Variants in WDR70 observed in about 807,000 individuals in gnomAD.
WDR70 encodes WD repeat-containing protein 70.
In WDR70, 53 loss-of-function variants were observed where a neutral mutation model predicts 88.6. The observed-to-expected ratio is 0.60, with a 90% CI of 0.48 to 0.75. WDR70 has a LOEUF of 0.75. WDR70 is among the 30% of genes least tolerant of loss of function. The pLI, the probability that WDR70 is intolerant of heterozygous loss-of-function variation, is 0.00. For synonymous variants in WDR70, 280 were observed against 270.0 expected, an observed-to-expected ratio of 1.04 and a Z score of -0.36; for missense variants, 610 against 823.2, an observed-to-expected ratio of 0.74 and a Z score of 3.17.
At chr5:37,724,139 G>C (rs186874881) in intron 15 of WDR70, 3 of 152,154 alleles carry the variant, frequency 2.0e-5, no homozygotes, top group Non-Finnish European at 1.5e-5. Flanking sequence ...GAAACTGCTA[G>C]TACTTTTCTG....
In WDR70 at chr5:37,588,457, A is replaced by G. The variant is rs185908919; in HGVS notation, c.918-16607A>G. Among the ~76,000 whole-genome samples the G allele has an allele frequency of 2.6e-3, 401 of 152,324 alleles. 2 individuals are homozygous for G. Among genetic ancestry groups the G allele is most frequent in the Non-Finnish European group, 4.0e-3 (272 of 68,020 alleles). On this transcript the variant is annotated intron_variant, in intron 9 of 17. Coordinates refer to ENST00000265107, the MANE Select transcript of WDR70 (RefSeq NM_018034.4). ...GGAAAAAAGGAACCCCATCACCTCA[A>G]CATAATAGAACGTATATCTGAGTTC...
intron 10 of WDR70, among the ~76,000 whole-genome samples, chr5:37,666,921 A>T (rs1433542352): frequency 6.6e-6 from 1 of 152,174 alleles, no homozygotes; most frequent in African/African-American, 2.4e-5. Flanking sequence ...AGGACAGTTG[A>T]GAAGATTCAA....
At chr5:37,582,396 C>G (rs1293499190) in intron 9 of WDR70, among the ~76,000 whole-genome samples, 1 of 152,214 alleles carries the variant, frequency 6.6e-6, no homozygotes, top group African/African-American at 2.4e-5. Flanking sequence ...TCAGATTTCC[C>G]TATATCAGCA....
chr5:37,432,692 G>A (rs6888183), intron 5 of WDR70, among the ~76,000 whole-genome samples: 16,112 of 151,308 alleles, frequency 0.11, 978 homozygotes, highest in African/African-American at 0.16. Flanking sequence ...CACCGCGCCC[G>A]GCCTTTGAGC....
chr5:37,389,089 C>CTT (rs869256981), intron 3 of WDR70, among the ~76,000 whole-genome samples: 17 of 124,944 alleles, frequency 1.4e-4, no homozygotes, highest in African/African-American at 1.9e-4. Flanking sequence ...CAGGCCCATT[C>CTT]TTTTTTTTTT....
At chr5:37,490,687 C>CG (rs917568598) in intron 8 of WDR70, among the ~76,000 whole-genome samples, 2 of 150,232 alleles carry the variant, frequency 1.3e-5, no homozygotes, top group Admixed American at 1.3e-4. Context: ...GCTTTGTTGC[C>CG]GGGGGTAGGT....
chr5:37,707,107 T>A (rs985321138), intron 13 of WDR70, among the ~76,000 whole-genome samples: 1 of 152,214 alleles, frequency 6.6e-6, no homozygotes, highest in African/African-American at 2.4e-5. Flanking sequence ...ACAATATTAT[T>A]AGCTTGGTAG....
intron 17 of WDR70, 86 bp from the exon 18 acceptor site, chr5:37,752,400 C>A: frequency 1.1e-6 from 1 of 920,550 alleles, no homozygotes; most frequent in South Asian, 1.6e-5. Context: ...CCCACATTTG[C>A]TCCCACTTGA....
chr5:37,439,871 A>C (rs1750600540), intron 6 of WDR70, among the ~76,000 whole-genome samples: 1 of 152,136 alleles, frequency 6.6e-6, no homozygotes, highest in Non-Finnish European at 1.5e-5. Flanking sequence ...TCATCTGTGA[A>C]TATTTCAGTA....
rs558568188 is a variant in WDR70, at chr5:37,641,438, A to G, written c.1092+36200A>G. On this transcript the variant is annotated intron_variant, in intron 10 of 17. Coordinates refer to ENST00000265107, the MANE Select transcript of WDR70 (RefSeq NM_018034.4). ...TTTTTTTTTTTTTTTTTTTTTTAAG[A>G]CAGACTCTCCCTCTGTCACCCAGGC... is the stretch of plus-strand genomic sequence containing the variant. Among the ~76,000 whole-genome samples the G allele has an allele frequency of 4.4e-5, 5 of 114,080 alleles. No individual in the cohort carries two copies. In the Admixed American group the frequency reaches 5.0e-4, roughly 11 times the overall value. 74.8% of individuals were successfully genotyped at this position (114,080 alleles called of 152,430 possible). A position where few individuals can be genotyped will look rare whatever the true frequency, so the allele number is the denominator to read the frequency against.
At chr5:37,600,978 T>C (rs1293900573) in intron 9 of WDR70, among the ~76,000 whole-genome samples, 1 of 152,222 alleles carries the variant, frequency 6.6e-6, no homozygotes, top group African/African-American at 2.4e-5. Flanking sequence ...AAGATAATGT[T>C]AACAAAAAAC....
chr5:37,432,489 A>G (rs1003313281), intron 5 of WDR70, among the ~76,000 whole-genome samples: 7 of 151,984 alleles, frequency 4.6e-5, no homozygotes, highest in African/African-American at 1.7e-4. Context: ...CCTGAGTTCA[A>G]GCGATTCTCC....
chr5:37,520,940 A>G (rs749991445), intron 9 of WDR70, among the ~76,000 whole-genome samples: 6 of 152,248 alleles, frequency 3.9e-5, no homozygotes, highest in Non-Finnish European at 8.8e-5. Flanking sequence ...TGAATAATTG[A>G]TACTAATGTT....
At chr5:37,556,180 G>A (rs525463) in intron 9 of WDR70, among the ~76,000 whole-genome samples, 110,833 of 149,656 alleles carry the variant, frequency 0.74, 41,418 homozygotes, top group African/African-American at 0.87. Context: ...TATCGTCTGT[G>A]TTTAGATGCA....
At chr5:37,485,110 A>G (rs530932885) in intron 8 of WDR70, among the ~76,000 whole-genome samples, 1 of 152,218 alleles carries the variant, frequency 6.6e-6, no homozygotes, top group Non-Finnish European at 1.5e-5. Context: ...GATATGGTTG[A>G]TGCAGAATTT....
chr5:37,686,383 G>A (rs1475078464), intron 10 of WDR70, among the ~76,000 whole-genome samples: 1 of 152,092 alleles, frequency 6.6e-6, no homozygotes, highest in Non-Finnish European at 1.5e-5. Context: ...GACTGTCAGA[G>A]AAGAAAAACT....
intron 10 of WDR70, chr5:37,619,919 T>G (rs980184343): frequency 1.2e-4 from 15 of 125,484 alleles, no homozygotes; most frequent in Admixed American, 2.9e-4. Flanking sequence ...TTTACCAGGT[T>G]TTTTTTTTTT....
Position 37,605,249 on chromosome 5 carries a change from T to A in WDR70, c.1092+11T>A. 1.9e-6 allele frequency: 3 copies of A among 1,587,782 alleles called. No homozygotes were observed. In the South Asian group the frequency reaches 3.5e-5, roughly 19 times the overall value. On this transcript the variant is annotated intron_variant, in intron 10 of 17. Transcript: ENST00000265107. ...GACCGAAATTTGACTGTAAGTTAAA[T>A]CTTTTCTTAGAACATGGCCACCTTA...
At chr5:37,507,173 A>T (rs1446773266) in intron 8 of WDR70, among the ~76,000 whole-genome samples, 1 of 150,982 alleles carries the variant, frequency 6.6e-6, no homozygotes, top group Non-Finnish European at 1.5e-5. Flanking sequence ...TTACTTTTTC[A>T]TGTAAATTTT....
Sources: gnomAD v4.1 joint callset for allele counts (sites outside exome capture counted in the v4.1 genomes callset) on GRCh38, gnomAD v4.1.1 for gene constraint, MANE v1.5 for transcripts, NCBI Gene and HGNC (gene_info 2026-07-23, HGNC 2026-07-21) for gene names.